SOX5: variants seen among roughly 807,000 people sequenced by gnomAD.
The protein encoded by SOX5 is SRY-box transcription factor 5.
In SOX5, 9 loss-of-function variants were observed where a neutral mutation model predicts 92.0. The ratio of observed to expected loss-of-function variants is 0.10; its 90% confidence interval spans 0.06 to 0.17. The LOEUF (loss-of-function observed/expected upper bound fraction) is 0.17. SOX5 is among the 10% of genes least tolerant of loss of function. SOX5 has a pLI of 1.00. For synonymous variants in SOX5, 344 were observed against 336.3 expected (o/e 1.02, Z -0.25); for missense variants, 642 against 944.5 (o/e 0.68, Z 4.20).
At chr12:24,433,301 AACT>A (rs1284584969) in intron 1 of SOX5, among the ~76,000 whole-genome samples, 2 of 152,230 alleles carry the variant, frequency 1.3e-5, no homozygotes, top group Admixed American at 6.5e-5. Flanking sequence ...TGAATTGGAA[AACT>A]ACTAAAATTG....
At chr12:23,973,875 T>C (rs1290422125) in intron 4 of SOX5, among the ~76,000 whole-genome samples, 1 of 152,168 alleles carries the variant, frequency 6.6e-6, no homozygotes, top group Admixed American at 6.5e-5. Context: ...TGCGCGCTCA[T>C]ATGAGAATCT....
chr12:24,343,331 C>G (rs183498278), intron 2 of SOX5, among the ~76,000 whole-genome samples: 10 of 152,182 alleles, frequency 6.6e-5, no homozygotes, highest in Admixed American at 5.2e-4. Flanking sequence ...AGTAAAACGG[C>G]TTGCTCCTTG....
At chr12:23,936,240 G>T (rs1368353718) in intron 1 of SOX5, among the ~76,000 whole-genome samples, 1 of 150,850 alleles carries the variant, frequency 6.6e-6, no homozygotes, top group Non-Finnish European at 1.5e-5. Context: ...AAAGCTGAAG[G>T]TATTCTTACC....
intron 1 of SOX5, among the ~76,000 whole-genome samples, chr12:24,379,805 C>T (rs1957633626): frequency 1.4e-5 from 2 of 146,206 alleles, no homozygotes; most frequent in African/African-American, 5.1e-5. Flanking sequence ...ATTTCTTAAA[C>T]TTCCTCAAAT....
intron 4 of SOX5, among the ~76,000 whole-genome samples, chr12:24,004,996 G>A (rs961264267): frequency 1.4e-4 from 21 of 152,010 alleles, no homozygotes; most frequent in Non-Finnish European, 2.2e-4. Context: ...TACCCTAAGC[G>A]AAAGAAGGCA....
intron 8 of SOX5, among the ~76,000 whole-genome samples, chr12:23,609,431 C>T (rs2075684297): frequency 1.3e-5 from 2 of 152,034 alleles, no homozygotes; most frequent in Non-Finnish European, 2.9e-5. Flanking sequence ...ATCATAGGAA[C>T]TTGAATTGCA....
chr12:24,121,758 C>T (rs1319845359), intron 4 of SOX5, among the ~76,000 whole-genome samples: 2 of 150,892 alleles, frequency 1.3e-5, no homozygotes, highest in African/African-American at 2.4e-5. Context: ...CGGTGGTAGG[C>T]GCCTGTAGTC....
intron 4 of SOX5, among the ~76,000 whole-genome samples, chr12:24,212,008 T>C (rs1266287540): frequency 6.6e-6 from 1 of 152,254 alleles, no homozygotes; most frequent in African/African-American, 2.4e-5. Flanking sequence ...ATGTTTATTA[T>C]CAGAATACTC....
At chr12:24,425,252 CT>C (rs1966586983) in intron 1 of SOX5, among the ~76,000 whole-genome samples, 1 of 152,184 alleles carries the variant, frequency 6.6e-6, no homozygotes, top group Admixed American at 6.6e-5. Flanking sequence ...TGAATGAACA[CT>C]CATTAATCAT....
intron 9 of SOX5, among the ~76,000 whole-genome samples, chr12:23,597,335 A>G (rs1952641427): frequency 6.6e-6 from 1 of 152,164 alleles, no homozygotes; most frequent in Admixed American, 6.5e-5. Flanking sequence ...TTTATGGTAA[A>G]AATGTGACCA....
chr12:24,320,444 T>A (rs1333212856), intron 2 of SOX5, among the ~76,000 whole-genome samples: 3 of 152,200 alleles, frequency 2.0e-5, no homozygotes, highest in Non-Finnish European at 2.9e-5. Flanking sequence ...TTCCTATATC[T>A]ATTCTTCAGA....
intron 2 of SOX5, among the ~76,000 whole-genome samples, chr12:24,289,216 G>A (rs1363316837): frequency 6.6e-6 from 1 of 151,944 alleles, no homozygotes; most frequent in African/African-American, 2.4e-5. Context: ...AGGAGGAGGA[G>A]GCTGCAGTGA....
chr12:24,354,912 G>T (rs190236944), intron 2 of SOX5, among the ~76,000 whole-genome samples: 7 of 152,200 alleles, frequency 4.6e-5, no homozygotes, highest in African/African-American at 1.4e-4. Flanking sequence ...GGGGATGAGA[G>T]GGGAGATTCT....
At chr12:24,318,864 C>T (rs553806608) in intron 2 of SOX5, among the ~76,000 whole-genome samples, 1 of 152,292 alleles carries the variant, frequency 6.6e-6, no homozygotes, top group Admixed American at 6.5e-5. Flanking sequence ...TCATTTGCTT[C>T]CATTGATCAT....
intron 4 of SOX5, among the ~76,000 whole-genome samples, chr12:24,087,125 C>A (rs1944092018): frequency 3.3e-5 from 5 of 152,120 alleles, no homozygotes; most frequent in South Asian, 4.1e-4. Flanking sequence ...AGTTACAGTA[C>A]AACCACATGC....
At chr12:24,096,069 T>C (rs528026988) in intron 4 of SOX5, among the ~76,000 whole-genome samples, 16 of 152,340 alleles carry the variant, frequency 1.1e-4, no homozygotes, top group Non-Finnish European at 1.8e-4. Context: ...TGCTCATTTT[T>C]ACTATTAACT....
chr12:24,179,257 C>A (rs12315912), intron 4 of SOX5, among the ~76,000 whole-genome samples: 22,120 of 152,176 alleles, frequency 0.15, 1,830 homozygotes, highest in African/African-American at 0.22. Flanking sequence ...GTAACACTTT[C>A]CATGGAAAAG....
At chr12:24,539,571 C>T (rs967761312) in intron 1 of SOX5, among the ~76,000 whole-genome samples, 9 of 152,018 alleles carry the variant, frequency 5.9e-5, no homozygotes, top group African/African-American at 2.2e-4. Flanking sequence ...AGCTGGAAGG[C>T]AGACATTACA....
At chr12:23,540,402 T>A (rs957386566) in intron 13 of SOX5, among the ~76,000 whole-genome samples, 84 of 139,792 alleles carry the variant, frequency 6.0e-4, no homozygotes, top group Admixed American at 1.9e-3. Flanking sequence ...ATAATAATAA[T>A]AAAAAGCAGA....
Sources: gnomAD v4.1 joint callset for allele counts (sites outside exome capture counted in the v4.1 genomes callset) on GRCh38, gnomAD v4.1.1 for gene constraint, MANE v1.5 for transcripts, NCBI Gene and HGNC (gene_info 2026-07-23, HGNC 2026-07-21) for gene names.